ZNG1A: variants seen among roughly 807,000 people sequenced by gnomAD.
The protein encoded by ZNG1A is zinc-regulated GTPase metalloprotein activator 1A.
chr9:178,030 T>TC, the ZNG1A span, among the ~76,000 whole-genome samples: 3 of 149,098 alleles, frequency 2.0e-5, no homozygotes, highest in Admixed American at 6.7e-5. Context: ...TATTTATATT[T>TC]CTTAACTTTT....
chr9:169,551 T>C, the ZNG1A span, among the ~76,000 whole-genome samples: 1 of 143,312 alleles, frequency 7.0e-6, no homozygotes, highest in Non-Finnish European at 1.5e-5. Flanking sequence ...TAAAATGCTA[T>C]CAAATAGCAT....
the ZNG1A span, among the ~76,000 whole-genome samples, chr9:155,030 C>CAAAGT: frequency 6.6e-6 from 1 of 152,038 alleles, no homozygotes; most frequent in South Asian, 2.1e-4. Context: ...TCAGATTTCA[C>CAAAGT]ATTACCCATT....
At chr9:156,324 T>C in the ZNG1A span, among the ~76,000 whole-genome samples, 1 of 151,524 alleles carries the variant, frequency 6.6e-6, no homozygotes, top group Non-Finnish European at 1.5e-5. Flanking sequence ...TATCAGATCA[T>C]TATAAATAGA....
the ZNG1A span, chr9:135,138 C>T: frequency 1.3e-5 from 19 of 1,465,656 alleles, no homozygotes; most frequent in Non-Finnish European, 1.7e-5. Flanking sequence ...ACTGACTATT[C>T]TAATATTCTG....
At chr9:147,457 A>G in the ZNG1A span, 10 of 116,146 alleles carry the variant, frequency 8.6e-5, no homozygotes, top group African/African-American at 4.4e-4. Flanking sequence ...AGTCTATCAC[A>G]TACTCGTACT....
the ZNG1A span, chr9:172,185 A>C: frequency 1.2e-6 from 2 of 1,610,300 alleles, no homozygotes; most frequent in South Asian, 1.1e-5. Context: ...GGAGAATACC[A>C]AAACATAATT....
At chr9:145,261 C>A in the ZNG1A span, among the ~76,000 whole-genome samples, 1 of 151,132 alleles carries the variant, frequency 6.6e-6, no homozygotes, top group African/African-American at 2.5e-5. Context: ...ATATTTATTG[C>A]GGCATTATTC....
chr9:178,950 G>A, the ZNG1A span: 16 of 1,104,482 alleles, frequency 1.4e-5, 6 homozygotes, highest in Non-Finnish European at 2.1e-5. Context: ...CTCATCCGCA[G>A]ATCCAACAGC....
At chr9:144,756 G>A in the ZNG1A span, among the ~76,000 whole-genome samples, 24 of 151,176 alleles carry the variant, frequency 1.6e-4, no homozygotes, top group African/African-American at 5.8e-4. Context: ...AGAGTGAACA[G>A]GCAACCTACA....
At chr9:128,675 G>C in the ZNG1A span, among the ~76,000 whole-genome samples, 1 of 149,284 alleles carries the variant, frequency 6.7e-6, no homozygotes, top group Non-Finnish European at 1.5e-5. Flanking sequence ...TCTTTTTCAA[G>C]TAAGTCAGGG....
the ZNG1A span, chr9:120,943 G>C: frequency 6.1e-6 from 1 of 162,764 alleles, no homozygotes; most frequent in Non-Finnish European, 1.3e-5. Flanking sequence ...TCCTTCCAAA[G>C]AGCACAGTAT....
chr9:163,360 C>G, the ZNG1A span, among the ~76,000 whole-genome samples: 2 of 151,232 alleles, frequency 1.3e-5, no homozygotes, highest in African/African-American at 4.9e-5. Flanking sequence ...ATAAAAGGCT[C>G]TAACATTATA....
the ZNG1A span, among the ~76,000 whole-genome samples, chr9:142,980 A>C: frequency 2.1e-5 from 3 of 142,210 alleles, no homozygotes; most frequent in South Asian, 2.4e-4. Flanking sequence ...TACACCCTCC[A>C]AAGACTAAAC....
At chr9:138,057 T>C in the ZNG1A span, among the ~76,000 whole-genome samples, 16 of 148,976 alleles carry the variant, frequency 1.1e-4, no homozygotes, top group East Asian at 3.9e-4. Context: ...TTTAGAAAAA[T>C]AGAAATAACT....
the ZNG1A span, among the ~76,000 whole-genome samples, chr9:174,044 G>T: frequency 6.6e-6 from 1 of 151,574 alleles, no homozygotes; most frequent in African/African-American, 2.4e-5. Flanking sequence ...CTACTCAGGC[G>T]GCTGAGGCAG....
chr9:164,219 TTACTATTTA>T, the ZNG1A span, among the ~76,000 whole-genome samples: 4 of 140,356 alleles, frequency 2.8e-5, no homozygotes, highest in Non-Finnish European at 6.1e-5. Context: ...ATAGAACCTT[TTACTATTTA>T]TACCCATTCC....
chr9:177,313 G>T, the ZNG1A span, among the ~76,000 whole-genome samples: 1 of 152,160 alleles, frequency 6.6e-6, no homozygotes, highest in South Asian at 2.1e-4. Context: ...GATCATTAAG[G>T]CTAACATGCA....
the ZNG1A span, chr9:164,183 A>G: frequency 1.0e-6 from 1 of 997,464 alleles, no homozygotes; most frequent in East Asian, 2.6e-5. Context: ...AGCTTTAACT[A>G]TTTATAGCAA....
chr9:169,122 G>C, the ZNG1A span, among the ~76,000 whole-genome samples: 2 of 152,090 alleles, frequency 1.3e-5, no homozygotes, highest in African/African-American at 4.8e-5. Context: ...CTTCTGGAAA[G>C]GATTCATCAT....
Sources: gnomAD v4.1 joint callset for allele counts (sites outside exome capture counted in the v4.1 genomes callset) on GRCh38, gnomAD v4.1.1 for gene constraint, MANE v1.5 for transcripts, NCBI Gene and HGNC (gene_info 2026-07-23, HGNC 2026-07-21) for gene names.